The following LIMK1 variants were observed in gnomAD, a reference collection of about 807,000 sequenced individuals.
LIMK1 encodes the protein LIM domain kinase 1.
A neutral mutation model predicts 77.6 loss-of-function variants in LIMK1; 21 were observed. That is an observed-to-expected ratio of 0.27 (90% CI 0.19 to 0.39). The LOEUF (loss-of-function observed/expected upper bound fraction) is 0.39. Ranked by LOEUF, LIMK1 falls within the 10% of genes least tolerant of loss-of-function variation. The probability of loss-of-function intolerance (pLI) is 1.00; values close to 1 mark genes in which losing one functional copy is unlikely to be tolerated. For synonymous variants in LIMK1, 358 were observed against 370.0 expected (o/e 0.97, Z 0.37); for missense variants, 696 against 901.6 (o/e 0.77, Z 2.92).
At position 74,121,119 on chromosome 7, in the gene LIMK1, C is replaced by G. The variant is rs782518346; in HGVS notation, c.1782-20C>G. The G allele has an allele frequency of 1.2e-6, 2 of 1,609,174 alleles. No individual in the cohort carries two copies. The highest frequency in any genetic ancestry group is 1.7e-6 in the Non-Finnish European group (2 of 1,176,636). Reference sequence around the variant, plus strand: ...CCCGGGACAGCCAGACCCACCGTTCCCCACCCACCTGTCACCCAGGCCATC... The same window carrying G: ...CCCGGGACAGCCAGACCCACCGTTCGCCACCCACCTGTCACCCAGGCCATC... On this transcript the variant is annotated intron_variant, in intron 15 of 15. Transcript: ENST00000336180.
chr7:74,088,667 T>A (rs1315204738), intron 2 of LIMK1, among the ~76,000 whole-genome samples: 1 of 151,840 alleles, frequency 6.6e-6, no homozygotes, highest in Non-Finnish European at 1.5e-5. Flanking sequence ...CCAGGCATGG[T>A]GGCACATGAC....
In LIMK1 at chr7:74,107,008, A is replaced by C; in HGVS notation, c.882-2A>C. 6.3e-7 allele frequency: 1 copy of C among 1,578,436 alleles called. No individual in the cohort carries two copies. Among genetic ancestry groups the C allele is most frequent in the Admixed American group, 1.8e-5 (1 of 55,636 alleles). On this transcript the variant is annotated splice_acceptor_variant, in intron 7 of 15. Transcript: ENST00000336180. LOFTEE classifies it high-confidence loss of function. ...GCACTTGGCACCATGTGTGCCCCCCAGGAGGAGCTGCAGCATCGACAGGTC... is the reference window on the plus strand; with the variant it reads ...GCACTTGGCACCATGTGTGCCCCCCCGGAGGAGCTGCAGCATCGACAGGTC...
At chr7:74,095,720 T>C (rs77161652) in intron 2 of LIMK1, among the ~76,000 whole-genome samples, 2 of 152,208 alleles carry the variant, frequency 1.3e-5, no homozygotes, top group East Asian at 3.9e-4. Flanking sequence ...CTGACATTTC[T>C]ATATTTGTTC....
At chr7:74,087,440 T>G (rs1799154966) in intron 2 of LIMK1, among the ~76,000 whole-genome samples, 1 of 151,932 alleles carries the variant, frequency 6.6e-6, no homozygotes, top group South Asian at 2.1e-4. Flanking sequence ...ACAAATGGTG[T>G]GGGAGAGAAT....
At chr7:74,091,511 T>G (rs1554694776) in intron 2 of LIMK1, among the ~76,000 whole-genome samples, 1 of 152,132 alleles carries the variant, frequency 6.6e-6, no homozygotes, top group African/African-American at 2.4e-5. Context: ...AGCGAGACAC[T>G]GTCTCAAATT....
At chr7:74,117,841 C>T (rs1224105390) in intron 13 of LIMK1, among the ~76,000 whole-genome samples, 1 of 152,086 alleles carries the variant, frequency 6.6e-6, no homozygotes, top group East Asian at 1.9e-4. Flanking sequence ...GGCACAGTGG[C>T]TCACACCTGT....
chr7:74,085,371 A>G (rs1799116121), intron 1 of LIMK1, among the ~76,000 whole-genome samples: 1 of 152,254 alleles, frequency 6.6e-6, no homozygotes, highest in South Asian at 2.1e-4. Context: ...CTTCCTGGGC[A>G]GGAGAGGGAA....
intron 4 of LIMK1, among the ~76,000 whole-genome samples, chr7:74,098,460 T>C (rs957805889): frequency 2.0e-5 from 3 of 152,154 alleles, no homozygotes; most frequent in African/African-American, 4.8e-5. Context: ...CCTTACAGGA[T>C]CACAGCGAGT....
intron 2 of LIMK1, among the ~76,000 whole-genome samples, chr7:74,089,515 A>G (rs1462790718): frequency 6.6e-6 from 1 of 151,780 alleles, no homozygotes; most frequent in South Asian, 2.1e-4. Flanking sequence ...AAAAAGAAAG[A>G]AAGGAAGAAA....
At chr7:74,097,864 A>G (rs1285026862) in intron 4 of LIMK1, among the ~76,000 whole-genome samples, 1 of 152,244 alleles carries the variant, frequency 6.6e-6, no homozygotes, top group Non-Finnish European at 1.5e-5. Context: ...CCGACTGGCT[A>G]CAAATTCAGG....
At position 74,099,078 on chromosome 7, in the gene LIMK1, A is replaced by G. The variant is rs1403948828; in HGVS notation, c.448A>G (p.Ile150Val). Reference protein sequence around the residue: ...QTVVTPVIEQILPDSPGSHLP... With the variant: ...QTVVTPVIEQVLPDSPGSHLP... Reference sequence around the variant, plus strand: ...TGTGGTGACCCCCGTCATCGAGCAGATCCTGCCTGACTCCCCTGGCTCCCA... The same window carrying G: ...TGTGGTGACCCCCGTCATCGAGCAGGTCCTGCCTGACTCCCCTGGCTCCCA... Residue 150 changes from isoleucine (I) to valine (V), a missense_variant, in exon 5 of 16, where the codon ATC becomes GTC. By Grantham distance (29) the Ile-to-Val change is conservative. Coordinates refer to ENST00000336180, the MANE Select transcript of LIMK1 (RefSeq NM_002314.4). 6.2e-7 allele frequency: 1 copy of G among 1,613,254 alleles called. No individual in the cohort carries two copies. The highest frequency in any genetic ancestry group is 1.3e-5 in the African/African-American group (1 of 75,008).
intron 2 of LIMK1, chr7:74,094,139 C>G (rs1483331851): frequency 6.6e-6 from 1 of 152,518 alleles, no homozygotes; most frequent in Non-Finnish European, 1.5e-5. Flanking sequence ...CTGGGCCAAG[C>G]TTTGTGGATG....
intron 3 of LIMK1, 144 bp downstream of exon 3, chr7:74,096,904 T>A: frequency 8.3e-7 from 1 of 1,198,572 alleles, no homozygotes; most frequent in Non-Finnish European, 1.2e-6. Context: ...ACTGTCTGTC[T>A]GTATCCCTCA....
chr7:74,112,000 T>C lies in LIMK1; in HGVS notation c.1410+2T>C, dbSNP rs1799709564. The C allele has an allele frequency of 6.2e-7, 1 of 1,601,812 alleles. No homozygotes were observed. Among genetic ancestry groups the C allele is most frequent in the African/African-American group, 1.4e-5 (1 of 73,340 alleles). ...TCCCACAACTGCCTGGTCCGCGAGGTGAGTACCAGGGCCCCACGTGGCTGG... is the reference window on the plus strand; with the variant it reads ...TCCCACAACTGCCTGGTCCGCGAGGCGAGTACCAGGGCCCCACGTGGCTGG... On this transcript the variant is annotated splice_donor_variant, in intron 12 of 15. Coordinates refer to ENST00000336180, the MANE Select transcript of LIMK1 (RefSeq NM_002314.4). LOFTEE classifies it high-confidence loss of function.
intron 5 of LIMK1, among the ~76,000 whole-genome samples, chr7:74,105,612 A>G (rs901422261): frequency 6.6e-6 from 1 of 152,088 alleles, no homozygotes; most frequent in Admixed American, 6.6e-5. Flanking sequence ...TTGAATGGGA[A>G]CAGCTGAGCA....
intron 5 of LIMK1, among the ~76,000 whole-genome samples, chr7:74,102,261 C>T (rs1017828097): frequency 6.6e-6 from 1 of 151,752 alleles, no homozygotes; most frequent in Admixed American, 6.6e-5. Context: ...ACATACACAC[C>T]CTTCACCAAG....
intron 12 of LIMK1, among the ~76,000 whole-genome samples, chr7:74,114,684 C>T (rs369515387): frequency 6.7e-6 from 1 of 148,360 alleles, no homozygotes; most frequent in African/African-American, 2.5e-5. Flanking sequence ...GGGAGGCCGA[C>T]GTGGGCGGAT....
rs782321094 is a variant in LIMK1, at chr7:74,099,180, C to G, written c.550C>G (p.Pro184Ala). ...GCGTGGACTTTCAGTCTCCATTGAC[C>G]CCCCGCACGGCCCACCGGGCTGTGG... ...GKRGLSVSID[P>A]PHGPPGCGTE... Residue 184 changes from proline (P) to alanine (A), a missense_variant, in exon 5 of 16, where the codon CCC becomes GCC. This residue lies in a region of LIMK1 where 252 missense variants were observed against 279.4 expected (regional missense o/e 0.90). Coordinates refer to ENST00000336180, the MANE Select transcript of LIMK1 (RefSeq NM_002314.4). 2 of 1,612,090 alleles carry G rather than the reference C, an allele frequency of 1.2e-6. No homozygotes were observed. Among genetic ancestry groups the G allele is most frequent in the Non-Finnish European group, 1.7e-6 (2 of 1,180,026 alleles).
At chr7:74,111,771 C>T (rs1799704211) in intron 11 of LIMK1, 64 bp downstream of exon 11, 1 of 1,540,974 alleles carries the variant, frequency 6.5e-7, no homozygotes, top group African/African-American at 1.4e-5. Context: ...ACAGAACCCA[C>T]AAAGAAGCTT....
Sources: gnomAD v4.1 joint callset for allele counts (sites outside exome capture counted in the v4.1 genomes callset) on GRCh38, gnomAD v4.1.1 for gene constraint, gnomAD v4.1.1 regional missense constraint, MANE v1.5 for transcripts, NCBI Gene and HGNC (gene_info 2026-07-23, HGNC 2026-07-21) for gene names.